Variants in RANBP9 observed in about 807,000 individuals in gnomAD.
RANBP9 encodes RAN binding protein 9.
RANBP9 carries 15 observed loss-of-function variants against 84.3 expected under a neutral mutation model. The ratio of observed to expected loss-of-function variants is 0.18; its 90% CI spans 0.12 to 0.27. The LOEUF is 0.27. Among genes scored for constraint, RANBP9 ranks in the 10% least tolerant of loss-of-function variants. The pLI, the probability that RANBP9 is intolerant of heterozygous loss-of-function variation, is 1.00. For synonymous variants in RANBP9, 392 were observed against 349.6 expected (o/e 1.12, Z -1.35); for missense variants, 809 against 912.8 (o/e 0.89, Z 1.46).
At chr6:13,658,628 A>C (rs1562308069) in intron 3 of RANBP9, 152 bp downstream of exon 3, 8 of 714,276 alleles carry the variant, frequency 1.1e-5, no homozygotes, top group African/African-American at 1.8e-5. Context: ...AACAAAACAA[A>C]AAAACCCCAC....
At position 13,640,131 on chromosome 6, in the gene RANBP9, T is replaced by C. The variant is rs78743044; in HGVS notation, c.1335-378A>G. Among the ~76,000 whole-genome samples, 221 of 152,338 alleles carry C rather than the reference T, an allele frequency of 1.5e-3. 2 individuals carry two copies. The East Asian group carries it at 0.028, about 20-fold the overall frequency. ...TGATTTTATGTATATGAGATACATA[T>C]AAAGCGTAGCCTTTCTCCCCACCCG... On this transcript the variant is annotated intron_variant, in intron 8 of 13. Transcript: ENST00000011619.
intron 10 of RANBP9, among the ~76,000 whole-genome samples, chr6:13,636,316 T>G (rs1764939016): frequency 6.6e-6 from 1 of 152,224 alleles, no homozygotes; most frequent in Non-Finnish European, 1.5e-5. Context: ...TTTAAATAGT[T>G]AATACCATCT....
At position 13,644,644 on chromosome 6, in the gene RANBP9, A is replaced by G; in HGVS notation, c.1013T>C (p.Ile338Thr). 1.2e-6 allele frequency: 2 copies of G among 1,613,576 alleles called. No homozygotes were observed. Among genetic ancestry groups the G allele is most frequent in the African/African-American group, 1.3e-5 (1 of 75,038 alleles). Residue 338 changes from isoleucine (I) to threonine (T), a missense_variant, in exon 6 of 14, where the codon ATA (isoleucine) becomes ACA (threonine). Coordinates refer to ENST00000011619, the MANE Select transcript of RANBP9 (RefSeq NM_005493.3). ...NFGQHPFVFD[I>T]EDYMREWRTK... is the part of the protein sequence containing the mutation. ...TCTCCACTCCCGCATATAGTCTTCTATATCAAACACGAAAGGATGTTGCCC... is the reference window on the plus strand; with the variant it reads ...TCTCCACTCCCGCATATAGTCTTCTGTATCAAACACGAAAGGATGTTGCCC...
chr6:13,676,765 C>G (rs75863865), intron 2 of RANBP9, among the ~76,000 whole-genome samples: 7,607 of 152,004 alleles, frequency 0.05, 209 homozygotes, highest in South Asian at 0.12. Context: ...AGAAAAATCA[C>G]GTGATCAGAC....
At chr6:13,653,762 G>C (rs2127769322) in intron 4 of RANBP9, among the ~76,000 whole-genome samples, 1 of 152,182 alleles carries the variant, frequency 6.6e-6, no homozygotes, top group African/African-American at 2.4e-5. Flanking sequence ...TGCTTTTGTA[G>C]TTAGTAAAGC....
chr6:13,633,610 T>G (rs1764851252), intron 11 of RANBP9, among the ~76,000 whole-genome samples: 1 of 152,216 alleles, frequency 6.6e-6, no homozygotes, highest in Non-Finnish European at 1.5e-5. Flanking sequence ...ATCAAATCTA[T>G]GTAATCTGGC....
chr6:13,659,451 A>C (rs1413590019), intron 2 of RANBP9, among the ~76,000 whole-genome samples: 1 of 152,222 alleles, frequency 6.6e-6, no homozygotes, highest in Non-Finnish European at 1.5e-5. Context: ...TCAATTTATA[A>C]AGTTAGAACA....
At chr6:13,638,884 C>T (rs1349069322) in intron 9 of RANBP9, among the ~76,000 whole-genome samples, 1 of 152,058 alleles carries the variant, frequency 6.6e-6, no homozygotes, top group Non-Finnish European at 1.5e-5. Context: ...GAGGCAGCGG[C>T]AGCCCAGCTA....
intron 2 of RANBP9, among the ~76,000 whole-genome samples, chr6:13,660,464 G>C (rs899715643): frequency 1.3e-5 from 2 of 152,106 alleles, no homozygotes; most frequent in Non-Finnish European, 2.9e-5. Context: ...AGACATGAAT[G>C]ATCACACCAC....
At chr6:13,709,568 T>C (rs1384451328) in intron 1 of RANBP9, among the ~76,000 whole-genome samples, 1 of 152,020 alleles carries the variant, frequency 6.6e-6, no homozygotes, top group Non-Finnish European at 1.5e-5. Context: ...TAACAAAAGG[T>C]CCTAACTTGA....
Position 13,621,720 on chromosome 6 carries a change from A to C in RANBP9, c.*642T>G, listed in dbSNP as rs1240277250. ...GTTAAACTTGTGAGTCTACAACAGA[A>C]GTCATCTGTAGTTAAACAGGAAACA... On this transcript the variant is annotated 3_prime_UTR_variant, in exon 14 of 14. Coordinates refer to ENST00000011619, the MANE Select transcript of RANBP9 (RefSeq NM_005493.3). The C allele has an allele frequency of 6.5e-6, 1 of 152,684 alleles. No homozygotes were observed. The highest frequency in any genetic ancestry group is 1.5e-5 in the Non-Finnish European group (1 of 68,048). The allele number at this position is 152,684 out of a possible 1,614,324, so 9.5% of individuals were successfully genotyped here.
chr6:13,706,608 G>C (rs1758129959), intron 1 of RANBP9, among the ~76,000 whole-genome samples: 1 of 151,228 alleles, frequency 6.6e-6, no homozygotes, highest in Admixed American at 6.6e-5. Flanking sequence ...CAGAAGAATT[G>C]CTTGAACCCG....
chr6:13,635,438 T>C (rs1480998936), intron 10 of RANBP9, among the ~76,000 whole-genome samples: 2 of 152,106 alleles, frequency 1.3e-5, no homozygotes, highest in East Asian at 3.9e-4. Context: ...GATGAAATTT[T>C]AGGTAATGCT....
At chr6:13,638,250 G>A (rs995303625) in intron 9 of RANBP9, among the ~76,000 whole-genome samples, 3 of 152,070 alleles carry the variant, frequency 2.0e-5, no homozygotes, top group Non-Finnish European at 2.9e-5. Flanking sequence ...ATACACTGAG[G>A]CTCAGAATTT....
At chr6:13,657,514 C>T (rs952755784) in intron 3 of RANBP9, among the ~76,000 whole-genome samples, 28 of 151,972 alleles carry the variant, frequency 1.8e-4, no homozygotes, top group African/African-American at 6.3e-4. Flanking sequence ...CAGAGAGAAC[C>T]CCCTACCAGA....
At position 13,686,099 on chromosome 6, in the gene RANBP9, T is replaced by G. The variant is rs1584942471; in HGVS notation, c.683+10686A>C. ...TTCTTTCCTGAATTTCCAAAATTTC[T>G]TCCCCCCCCCCCCCCCGCCCCCCGA... On this transcript the variant is annotated intron_variant, in intron 2 of 13. Transcript: ENST00000011619. 5.7e-4 allele frequency among the ~76,000 whole-genome samples: 5 copies of G among 8,846 alleles called. No homozygotes were observed. The South Asian group carries it at 0.054, about 96-fold the overall frequency. The allele number at this position is 8,846 out of a possible 152,430, so 5.8% of individuals were successfully genotyped here. A position where few individuals can be genotyped will look rare whatever the true frequency, so the allele number is the denominator to read the frequency against.
intron 2 of RANBP9, among the ~76,000 whole-genome samples, chr6:13,664,733 A>T (rs182588227): frequency 1.3e-5 from 2 of 152,282 alleles, no homozygotes; most frequent in African/African-American, 4.8e-5. Flanking sequence ...TACCCCCAAA[A>T]CATGGACACC....
intron 2 of RANBP9, among the ~76,000 whole-genome samples, chr6:13,672,793 C>A (rs1256814088): frequency 6.7e-6 from 1 of 150,300 alleles, no homozygotes; most frequent in Non-Finnish European, 1.5e-5. Context: ...AAACAAAATG[C>A]TAGAAATAAA....
chr6:13,633,625 G>A (rs1404022820), intron 11 of RANBP9, among the ~76,000 whole-genome samples: 2 of 152,170 alleles, frequency 1.3e-5, no homozygotes, highest in Admixed American at 6.5e-5. Flanking sequence ...TCTGGCTCTA[G>A]AACTCCTGCT....
Sources: allele counts gnomAD v4.1 joint callset (sites outside exome capture counted in the v4.1 genomes callset), GRCh38; gene constraint gnomAD v4.1.1; transcripts MANE v1.5; gene names NCBI Gene and HGNC (gene_info 2026-07-23, HGNC 2026-07-21).